ABI3BP: variants seen among roughly 807,000 people sequenced by gnomAD.
ABI3BP encodes target of Nesh-SH3.
Under a neutral mutation model 268.6 loss-of-function variants are expected in ABI3BP, and 216 were observed. The ratio of observed to expected loss-of-function variants is 0.80; its 90% CI spans 0.72 to 0.90. ABI3BP has a LOEUF of 0.90. Among genes scored for constraint, ABI3BP ranks in the 40% least tolerant of loss-of-function variants. The probability of loss-of-function intolerance (pLI) is 0.00; values close to 1 mark genes in which losing one functional copy is unlikely to be tolerated. For missense variants in ABI3BP, 2,090 were observed against 2,182.4 expected, an observed-to-expected ratio of 0.96 and a Z score of 0.84; for synonymous variants, 730 against 730.0, an observed-to-expected ratio of 1.00 and a Z score of 0.00.
chr3:100,861,576 G>A (rs965650423), intron 14 of ABI3BP, among the ~76,000 whole-genome samples: 3 of 151,984 alleles, frequency 2.0e-5, no homozygotes, highest in Admixed American at 6.6e-5. Context: ...TGCTGAATAC[G>A]CACTTTAGTT....
chr3:100,877,599 A>G (rs2153315510), intron 6 of ABI3BP, among the ~76,000 whole-genome samples: 1 of 152,302 alleles, frequency 6.6e-6, no homozygotes, highest in South Asian at 2.1e-4. Flanking sequence ...ATTGCCAGAC[A>G]TAATCATGAG....
intron 20 of ABI3BP, among the ~76,000 whole-genome samples, chr3:100,845,020 A>G (rs867656346): frequency 2.0e-5 from 3 of 151,666 alleles, no homozygotes; most frequent in Admixed American, 6.6e-5. Context: ...TATATAAACT[A>G]TAACCAATGT....
At chr3:100,946,409 T>C (rs535483426) in intron 1 of ABI3BP, among the ~76,000 whole-genome samples, 30 of 151,374 alleles carry the variant, frequency 2.0e-4, no homozygotes, top group African/African-American at 6.8e-4. Flanking sequence ...TATTTTGTTA[T>C]AATAATTATT....
intron 9 of ABI3BP, among the ~76,000 whole-genome samples, chr3:100,873,280 G>A (rs1325550351): frequency 2.6e-5 from 4 of 152,158 alleles, no homozygotes; most frequent in African/African-American, 9.7e-5. Context: ...AAAAAATTAA[G>A]TAGCTTGACA....
intron 1 of ABI3BP, among the ~76,000 whole-genome samples, chr3:100,955,356 A>G (rs535090706): frequency 1.3e-5 from 2 of 152,354 alleles, no homozygotes; most frequent in South Asian, 4.1e-4. Flanking sequence ...GAATACTTTC[A>G]CAAATGACTG....
At chr3:100,820,554 A>C (rs997444653) in intron 39 of ABI3BP, among the ~76,000 whole-genome samples, 1 of 152,230 alleles carries the variant, frequency 6.6e-6, no homozygotes, top group African/African-American at 2.4e-5. Context: ...CACCAAATAA[A>C]AAGGTCAAGA....
chr3:100,974,069 T>A (rs554287674), intron 1 of ABI3BP, among the ~76,000 whole-genome samples: 3 of 152,266 alleles, frequency 2.0e-5, no homozygotes, highest in African/African-American at 4.8e-5. Flanking sequence ...CTCTTTCCTA[T>A]TAGCAGCTAA....
At chr3:100,845,154 G>C (rs974909977) in intron 20 of ABI3BP, among the ~76,000 whole-genome samples, 1 of 152,144 alleles carries the variant, frequency 6.6e-6, no homozygotes, top group Non-Finnish European at 1.5e-5. Flanking sequence ...ATACAGCATA[G>C]TTACTACTCT....
At chr3:100,845,788 T>C (rs1160063572) in intron 20 of ABI3BP, among the ~76,000 whole-genome samples, 3 of 151,854 alleles carry the variant, frequency 2.0e-5, no homozygotes, top group Non-Finnish European at 4.4e-5. Context: ...AATCTTTATG[T>C]CTTTTTATGT....
chr3:100,868,512 TGTG>T (rs2099076534), intron 9 of ABI3BP, among the ~76,000 whole-genome samples: 1 of 152,230 alleles, frequency 6.6e-6, no homozygotes, highest in African/African-American at 2.4e-5. Flanking sequence ...TTTCTGTTAA[TGTG>T]GGTTCAAAAA....
chr3:100,928,888 A>G (rs1019611026), intron 1 of ABI3BP, among the ~76,000 whole-genome samples: 1 of 152,056 alleles, frequency 6.6e-6, no homozygotes, highest in Admixed American at 6.6e-5. Flanking sequence ...ATAATGCTCA[A>G]GTTGGGGTGC....
rs114955592 is a variant in ABI3BP, at chr3:100,821,473, C to T, written c.2888-360G>A. Among the ~76,000 whole-genome samples, 539 of 152,222 alleles carry T rather than the reference C, an allele frequency of 3.5e-3. 5 individuals are homozygous for T. Among genetic ancestry groups the T allele is most frequent in the Non-Finnish European group, 5.2e-3 (357 of 68,016 alleles). On this transcript the variant is annotated intron_variant, in intron 38 of 67. Transcript: ENST00000471714. Reference sequence around the variant, plus strand: ...AGAACATGCCTTCATGTGGAAAGAACAGCTTGCTGATGTCTACCAGATCAA... The same window carrying T: ...AGAACATGCCTTCATGTGGAAAGAATAGCTTGCTGATGTCTACCAGATCAA...
intron 51 of ABI3BP, 121 bp from the exon 52 acceptor site, chr3:100,796,589 A>G: frequency 1.5e-6 from 1 of 648,786 alleles, no homozygotes; most frequent in Non-Finnish European, 2.4e-6. Context: ...TACAATGGTT[A>G]ATGACCAAAG....
chr3:100,811,926 C>T, intron 46 of ABI3BP, 127 bp from the exon 47 acceptor site: 1 of 703,232 alleles, frequency 1.4e-6, no homozygotes, highest in Non-Finnish European at 2.3e-6. Flanking sequence ...GAATAATTAA[C>T]ATTTAGGTAG....
At position 100,954,975 on chromosome 3, in the gene ABI3BP, CTTTTTTTTTTT is replaced by C. The variant is rs71299382; in HGVS notation, c.80-28505_80-28495del. ...ATCCCTTTAATGTTTTAAATTTTGTCTTTTTTTTTTTTTTTTTTTTTTTTTACGAATCATAA... is the reference window on the plus strand; with the variant it reads ...ATCCCTTTAATGTTTTAAATTTTGTCTTTTTTTTTTTTTTACGAATCATAA... On this transcript the variant is annotated intron_variant, in intron 1 of 67. Coordinates refer to ENST00000471714, the MANE Select transcript of ABI3BP (RefSeq NM_001375547.2). Among the ~76,000 whole-genome samples, 12 of 94,756 alleles carry C rather than the reference CTTTTTTTTTTT, an allele frequency of 1.3e-4. No homozygotes were observed. The East Asian group carries it at 2.2e-3, about 17-fold the overall frequency. 62.2% of individuals were successfully genotyped at this position (94,756 alleles called of 152,430 possible). A position where few individuals can be genotyped will look rare whatever the true frequency, so the allele number is the denominator to read the frequency against.
chr3:100,894,960 A>AAAAC (rs2046841285), intron 4 of ABI3BP, among the ~76,000 whole-genome samples: 1 of 145,488 alleles, frequency 6.9e-6, no homozygotes, highest in Non-Finnish European at 1.5e-5. Context: ...AAAAAAAAAA[A>AAAAC]AAAAAAACAG....
At chr3:100,867,345 C>A (rs72926257) in intron 9 of ABI3BP, among the ~76,000 whole-genome samples, 6,497 of 151,862 alleles carry the variant, frequency 0.043, 416 homozygotes, top group East Asian at 0.16. Flanking sequence ...AAAAATCAAC[C>A]TATAGAAAAT....
At chr3:100,970,090 C>A (rs1431955278) in intron 1 of ABI3BP, among the ~76,000 whole-genome samples, 1 of 152,158 alleles carries the variant, frequency 6.6e-6, no homozygotes, top group Non-Finnish European at 1.5e-5. Context: ...CTAAAATCTA[C>A]TATAGTCACA....
At chr3:100,783,154 G>A (rs2096919071) in intron 57 of ABI3BP, among the ~76,000 whole-genome samples, 1 of 152,130 alleles carries the variant, frequency 6.6e-6, no homozygotes, top group Admixed American at 6.5e-5. Flanking sequence ...ATCAAAAAGG[G>A]GTGATATTTA....
Sources: allele counts gnomAD v4.1 joint callset (sites outside exome capture counted in the v4.1 genomes callset), GRCh38; gene constraint gnomAD v4.1.1; transcripts MANE v1.5; gene names NCBI Gene and HGNC (gene_info 2026-07-23, HGNC 2026-07-21).